The following WDR72 variants were observed in gnomAD, a reference collection of about 807,000 sequenced individuals.
WDR72 encodes the protein WD repeat-containing protein 72.
A neutral mutation model predicts 124.2 loss-of-function variants in WDR72; 120 were observed. The ratio of observed to expected loss-of-function variants is 0.97; its 90% CI spans 0.83 to 1.12. The LOEUF is 1.12. Ranked by LOEUF, WDR72 falls within the 50% of genes most tolerant of loss-of-function variation. WDR72 has a pLI of 0.00. For missense variants in WDR72, 1,387 were observed against 1,278.8 expected (o/e 1.08, Z -1.29); for synonymous variants, 452 against 441.7 (o/e 1.02, Z -0.29).
intron 8 of WDR72, among the ~76,000 whole-genome samples, 177 bp from the exon 9 acceptor site, chr15:53,711,130 T>A (rs1425291790): frequency 2.6e-5 from 4 of 152,202 alleles, no homozygotes; most frequent in Non-Finnish European, 4.4e-5. Context: ...GCTGTACAAG[T>A]TATACATGGT....
chr15:53,722,313 G>C (rs929205320), intron 3 of WDR72, among the ~76,000 whole-genome samples: 2 of 152,140 alleles, frequency 1.3e-5, no homozygotes, highest in Admixed American at 6.5e-5. Context: ...GGGATTACAG[G>C]CATGAGCCAC....
intron 14 of WDR72, among the ~76,000 whole-genome samples, chr15:53,631,527 G>A (rs754341758): frequency 3.9e-5 from 6 of 152,200 alleles, no homozygotes; most frequent in Non-Finnish European, 8.8e-5. Context: ...TGGGTAATGG[G>A]CAGAGGTTGA....
At chr15:53,546,773 T>G (rs902898603) in intron 18 of WDR72, among the ~76,000 whole-genome samples, 2 of 151,470 alleles carry the variant, frequency 1.3e-5, no homozygotes, top group African/African-American at 2.4e-5. Flanking sequence ...AAGGGAAAAT[T>G]CACAAATACA....
chr15:53,682,649 A>G (rs897824979), intron 13 of WDR72, among the ~76,000 whole-genome samples: 3 of 152,122 alleles, frequency 2.0e-5, no homozygotes, highest in Non-Finnish European at 4.4e-5. Flanking sequence ...GAAGTCCCAC[A>G]TATCTCTAGG....
At chr15:53,734,820 AT>A (rs57904063) in intron 1 of WDR72, among the ~76,000 whole-genome samples, 74,110 of 147,650 alleles carry the variant, frequency 0.5, 19,635 homozygotes, top group South Asian at 0.62. Flanking sequence ...AAAAAAAAAA[AT>A]AATAATATTA....
At chr15:53,713,146 G>A (rs2017594832) in intron 6 of WDR72, among the ~76,000 whole-genome samples, 1 of 137,182 alleles carries the variant, frequency 7.3e-6, no homozygotes, top group South Asian at 2.3e-4. Flanking sequence ...ATGTACTCCT[G>A]AAAGTTTAAA....
intron 2 of WDR72, among the ~76,000 whole-genome samples, chr15:53,725,975 G>A (rs1199764717): frequency 6.6e-6 from 1 of 151,724 alleles, no homozygotes; most frequent in Admixed American, 6.6e-5. Context: ...GGGAGGCTGA[G>A]GCAGTAGATT....
chr15:53,713,036 A>G, intron 6 of WDR72, 145 bp from the exon 7 acceptor site: 2 of 876,826 alleles, frequency 2.3e-6, no homozygotes, highest in Non-Finnish European at 3.5e-6. Context: ...GTTTTGAACT[A>G]AGAAGTTACT....
rs58644091 is a variant in WDR72 at position 53,736,383 on chromosome 15, G to A, written c.-12-3222C>T. Among the ~76,000 whole-genome samples the A allele has an allele frequency of 9.8e-3, 1,486 of 152,238 alleles. 15 individuals carry two copies. Among genetic ancestry groups the A allele is most frequent in the South Asian group, 0.062 (301 of 4,820 alleles). On this transcript the variant is annotated intron_variant, in intron 1 of 19. Transcript: ENST00000360509. ...CAGCCTCCAAGGAGGGTGAAGAGGA[G>A]TAATGTATACAGGGCTGTCTGGCAC...
intron 14 of WDR72, among the ~76,000 whole-genome samples, chr15:53,654,937 T>G (rs2140433469): frequency 6.6e-6 from 1 of 152,104 alleles, no homozygotes; most frequent in Non-Finnish European, 1.5e-5. Context: ...AAAGATACGC[T>G]TAAGAGATCT....
chr15:53,524,708 T>C (rs982986780), intron 18 of WDR72, among the ~76,000 whole-genome samples: 1 of 152,122 alleles, frequency 6.6e-6, no homozygotes, highest in Non-Finnish European at 1.5e-5. Flanking sequence ...TCTATCAAAG[T>C]GCCAGCATAG....
intron 1 of WDR72, among the ~76,000 whole-genome samples, chr15:53,750,243 T>G (rs1170863303): frequency 6.6e-6 from 1 of 152,156 alleles, no homozygotes. Context: ...TTGAGGCCAA[T>G]GCTCATTTAT....
At chr15:53,761,389 C>T (rs1375432692), upstream of WDR72, among the ~76,000 whole-genome samples, 1 of 152,102 alleles carries the variant, frequency 6.6e-6, no homozygotes. Flanking sequence ...TAAGTACAAC[C>T]ACTATGGAGA....
At chr15:53,590,246 G>C (rs865887596) in intron 18 of WDR72, among the ~76,000 whole-genome samples, 24 of 151,922 alleles carry the variant, frequency 1.6e-4, no homozygotes, top group African/African-American at 5.6e-4. Flanking sequence ...ACTCGTATGT[G>C]TATGCCAAAT....
At chr15:53,604,674 C>T (rs1467033855) in intron 17 of WDR72, among the ~76,000 whole-genome samples, 1 of 151,958 alleles carries the variant, frequency 6.6e-6, no homozygotes, top group East Asian at 1.9e-4. Context: ...AGGAAATGAA[C>T]AGACACTTTT....
intron 1 of WDR72, among the ~76,000 whole-genome samples, chr15:53,757,826 G>A (rs935712340): frequency 1.3e-5 from 2 of 151,964 alleles, no homozygotes; most frequent in African/African-American, 4.8e-5. Context: ...TATTTTCAAG[G>A]TTCCTTTAAG....
intron 17 of WDR72, among the ~76,000 whole-genome samples, chr15:53,608,996 G>A (rs2013414265): frequency 6.6e-6 from 1 of 151,918 alleles, no homozygotes; most frequent in South Asian, 2.1e-4. Flanking sequence ...ATAACTAAAA[G>A]TGTATAAATG....
intron 13 of WDR72, among the ~76,000 whole-genome samples, chr15:53,690,209 A>C (rs918452174): frequency 2.6e-5 from 4 of 152,088 alleles, no homozygotes; most frequent in African/African-American, 4.8e-5. Flanking sequence ...TAAAACTTAA[A>C]GTATAATAAT....
At chr15:53,726,292 A>ACG (rs1428209531) in intron 2 of WDR72, among the ~76,000 whole-genome samples, 1 of 109,598 alleles carries the variant, frequency 9.1e-6, no homozygotes, top group Non-Finnish European at 1.6e-5. Flanking sequence ...ATATACACAC[A>ACG]CACACTGCTC....
Sources: gnomAD v4.1 joint callset for allele counts (sites outside exome capture counted in the v4.1 genomes callset) on GRCh38, gnomAD v4.1.1 for gene constraint, MANE v1.5 for transcripts, NCBI Gene and HGNC (gene_info 2026-07-23, HGNC 2026-07-21) for gene names.